GPC6: variants seen among roughly 807,000 people sequenced by gnomAD.
GPC6 encodes the protein glypican-6.
A neutral mutation model predicts 55.2 loss-of-function variants in GPC6; 14 were observed. That is an observed-to-expected ratio of 0.25 (90% CI 0.17 to 0.40). The LOEUF (loss-of-function observed/expected upper bound fraction) is 0.40. Among genes scored for constraint, GPC6 ranks in the 10% least tolerant of loss-of-function variants. GPC6 has a pLI of 1.00. For missense variants in GPC6, 641 were observed against 708.5 expected, an observed-to-expected ratio of 0.90 and a Z score of 1.08; for synonymous variants, 278 against 259.6, an observed-to-expected ratio of 1.07 and a Z score of -0.68.
intron 1 of GPC6, among the ~76,000 whole-genome samples, chr13:93,326,529 T>C (rs1879662371): frequency 6.6e-6 from 1 of 152,184 alleles, no homozygotes; most frequent in Non-Finnish European, 1.5e-5. Context: ...TAGAACCGTT[T>C]ACAGATTGGG....
At chr13:93,704,138 G>A (rs997942495) in intron 2 of GPC6, among the ~76,000 whole-genome samples, 3 of 151,606 alleles carry the variant, frequency 2.0e-5, no homozygotes, top group Admixed American at 6.6e-5. Flanking sequence ...ATTATCCCTC[G>A]TGCCCTTCTG....
chr13:94,397,681 A>C (rs1037915069), intron 7 of GPC6, among the ~76,000 whole-genome samples: 1 of 152,180 alleles, frequency 6.6e-6, no homozygotes, highest in Non-Finnish European at 1.5e-5. Flanking sequence ...AACTCTCTTG[A>C]ATCATATGTA....
intron 2 of GPC6, among the ~76,000 whole-genome samples, chr13:93,609,561 C>A (rs994279329): frequency 6.6e-6 from 1 of 152,064 alleles, no homozygotes; most frequent in Non-Finnish European, 1.5e-5. Flanking sequence ...TCTGTAGCAA[C>A]TTCCTAACTG....
At chr13:93,452,968 C>G (rs1878284852) in intron 1 of GPC6, among the ~76,000 whole-genome samples, 1 of 152,186 alleles carries the variant, frequency 6.6e-6, no homozygotes, top group South Asian at 2.1e-4. Flanking sequence ...GCATGACATA[C>G]CTTTGCACAT....
chr13:93,539,949 C>T (rs1364570866), intron 1 of GPC6, among the ~76,000 whole-genome samples: 1 of 152,132 alleles, frequency 6.6e-6, no homozygotes, highest in Non-Finnish European at 1.5e-5. Flanking sequence ...CCTTGGCCTT[C>T]CAAAGTGCTG....
intron 4 of GPC6, among the ~76,000 whole-genome samples, chr13:94,168,405 C>T (rs546455250): frequency 7.9e-5 from 12 of 152,186 alleles, no homozygotes; most frequent in African/African-American, 2.2e-4. Context: ...GGGTGGAGCC[C>T]GTAATGTTGG....
chr13:94,034,562 A>G (rs1318084781), intron 4 of GPC6, among the ~76,000 whole-genome samples: 3 of 152,092 alleles, frequency 2.0e-5, no homozygotes, highest in African/African-American at 7.2e-5. Flanking sequence ...AGGAGGCAAC[A>G]TACATCAGAC....
intron 4 of GPC6, among the ~76,000 whole-genome samples, chr13:94,266,167 T>G (rs1466675336): frequency 6.6e-6 from 1 of 151,328 alleles, no homozygotes; most frequent in Non-Finnish European, 1.5e-5. Flanking sequence ...TTTTTTTGTT[T>G]GTTTGTTTGT....
intron 1 of GPC6, among the ~76,000 whole-genome samples, chr13:93,490,213 C>G (rs187514586): frequency 1.3e-5 from 2 of 151,592 alleles, no homozygotes; most frequent in Admixed American, 6.5e-5. Context: ...TTTTCTGCCT[C>G]TATTGAGATA....
intron 1 of GPC6, among the ~76,000 whole-genome samples, chr13:93,492,786 G>GT (rs1471912271): frequency 2.0e-5 from 3 of 150,462 alleles, no homozygotes; most frequent in African/African-American, 7.3e-5. Context: ...TAATCATGTG[G>GT]TTTTTGTCTT....
intron 3 of GPC6, among the ~76,000 whole-genome samples, chr13:93,955,577 A>T (rs1188915644): frequency 6.6e-6 from 1 of 152,138 alleles, no homozygotes; most frequent in East Asian, 1.9e-4. Flanking sequence ...TTTCTAGGCA[A>T]CACTATACTA....
chr13:93,941,076 G>A (rs1298646133), intron 3 of GPC6, among the ~76,000 whole-genome samples: 1 of 151,858 alleles, frequency 6.6e-6, no homozygotes, highest in African/African-American at 2.4e-5. Context: ...ATTAAATATG[G>A]GCAACAGGCT....
At chr13:93,385,638 C>T (rs1389982345) in intron 1 of GPC6, among the ~76,000 whole-genome samples, 1 of 152,138 alleles carries the variant, frequency 6.6e-6, no homozygotes, top group Non-Finnish European at 1.5e-5. Context: ...AGTTGGAGAA[C>T]ACGCCTTTCA....
At chr13:93,818,261 A>G (rs1443809703) in intron 2 of GPC6, among the ~76,000 whole-genome samples, 2 of 151,916 alleles carry the variant, frequency 1.3e-5, no homozygotes, top group African/African-American at 4.8e-5. Flanking sequence ...TCTGTGGAAC[A>G]AGGTAAATTT....
chr13:94,279,675 AT>A (rs990969190), intron 4 of GPC6, among the ~76,000 whole-genome samples: 1 of 152,020 alleles, frequency 6.6e-6, no homozygotes, highest in African/African-American at 2.4e-5. Flanking sequence ...GAACTTCTTG[AT>A]TTCTGCCTTA....
chr13:93,932,121 A>C (rs1466880486), intron 3 of GPC6, among the ~76,000 whole-genome samples: 2 of 152,214 alleles, frequency 1.3e-5, no homozygotes, highest in Non-Finnish European at 2.9e-5. Flanking sequence ...CAGTATTTTA[A>C]TTGTCTGGCG....
intron 7 of GPC6, among the ~76,000 whole-genome samples, chr13:94,390,613 A>C (rs1293491928): frequency 2.6e-5 from 4 of 152,158 alleles, no homozygotes; most frequent in African/African-American, 9.7e-5. Flanking sequence ...CATGAGAACA[A>C]CACCAAAGGG....
chr13:93,773,810 G>T (rs918038317), intron 2 of GPC6, among the ~76,000 whole-genome samples: 2 of 152,136 alleles, frequency 1.3e-5, no homozygotes, highest in Admixed American at 1.3e-4. Context: ...ATTGCCATTG[G>T]CTATACTGGC....
At chr13:93,454,761 C>T (rs1418450877) in intron 1 of GPC6, among the ~76,000 whole-genome samples, 1 of 152,256 alleles carries the variant, frequency 6.6e-6, no homozygotes, top group Non-Finnish European at 1.5e-5. Context: ...GGTGGAGCTG[C>T]CTGCCAGTCC....
Sources: allele counts gnomAD v4.1 joint callset (sites outside exome capture counted in the v4.1 genomes callset), GRCh38; gene constraint gnomAD v4.1.1; transcripts MANE v1.5; gene names NCBI Gene and HGNC (gene_info 2026-07-23, HGNC 2026-07-21).